The following SF3A3 variants were observed in gnomAD, a reference collection of about 807,000 sequenced individuals.
SF3A3 encodes the protein SAP 61.
A neutral mutation model predicts 85.8 loss-of-function variants in SF3A3; 9 were observed. The ratio of observed to expected loss-of-function variants is 0.10; its 90% confidence interval spans 0.06 to 0.18. The LOEUF is 0.18. Among genes scored for constraint, SF3A3 ranks in the 10% least tolerant of loss-of-function variants. SF3A3 has a pLI of 1.00. For synonymous variants in SF3A3, 195 were observed against 204.4 expected, an observed-to-expected ratio of 0.95 and a Z score of 0.39; for missense variants, 306 against 593.3, an observed-to-expected ratio of 0.52 and a Z score of 5.03.
intron 4 of SF3A3, among the ~76,000 whole-genome samples, chr1:37,986,410 C>G (rs1405776952): frequency 6.6e-6 from 1 of 152,294 alleles, no homozygotes; most frequent in African/African-American, 2.4e-5. Context: ...CTGAAACTCT[C>G]TTTTGCTTAA....
At chr1:37,967,838 G>A (rs534345294) in intron 15 of SF3A3, among the ~76,000 whole-genome samples, 14 of 152,014 alleles carry the variant, frequency 9.2e-5, no homozygotes, top group South Asian at 4.2e-4. Context: ...CCAGCCTGGC[G>A]ACAGAGCGAG....
intron 15 of SF3A3, among the ~76,000 whole-genome samples, chr1:37,961,343 G>C (rs1345031539): frequency 6.6e-6 from 1 of 152,060 alleles, no homozygotes; most frequent in Admixed American, 6.6e-5. Flanking sequence ...CCAGCACTTT[G>C]GGAAGCTGAG....
chr1:37,961,242 C>T (rs1000366997), intron 15 of SF3A3, among the ~76,000 whole-genome samples: 2 of 152,160 alleles, frequency 1.3e-5, no homozygotes, highest in Non-Finnish European at 2.9e-5. Context: ...GCACCTGGCA[C>T]ATAGGTGCTC....
chr1:37,987,525 G>A lies in SF3A3; in HGVS notation c.303+48C>T, dbSNP rs375979684. ...CAGTTTCCTTTATACCTTTCCTTTAGTATGCTTTAAGGATAGGTCTGGAGA... is the reference window on the plus strand; with the variant it reads ...CAGTTTCCTTTATACCTTTCCTTTAATATGCTTTAAGGATAGGTCTGGAGA... On this transcript the variant is annotated intron_variant, in intron 4 of 16. Coordinates refer to ENST00000373019, the MANE Select transcript of SF3A3 (RefSeq NM_006802.4). 2.3e-6 allele frequency: 3 copies of A among 1,323,290 alleles called. No individual in the cohort carries two copies. In the Admixed American group the frequency reaches 5.2e-5, roughly 23 times the overall value. The allele number at this position is 1,323,290 out of a possible 1,614,324, so 82.0% of individuals were successfully genotyped here. A position where few individuals can be genotyped will look rare whatever the true frequency, so the allele number is the denominator to read the frequency against.
intron 15 of SF3A3, 65 bp downstream of exon 15, chr1:37,967,979 A>G: frequency 1.1e-6 from 1 of 918,486 alleles, no homozygotes; most frequent in South Asian, 1.3e-5. Flanking sequence ...GGGTATTAGG[A>G]TGCTGAATTG....
chr1:37,976,931 T>C lies in SF3A3; in HGVS notation c.958A>G (p.Ile320Val). The part of the protein sequence containing the change: ...TKRDTERNKD[I>V]AFLEAQIYEY... Reference sequence around the variant, plus strand: ...TAGATCTGGGCTTCTAGAAAAGCAATGTCTTTGTTCCTTTCAGTGTCTCTG... The same window carrying C: ...TAGATCTGGGCTTCTAGAAAAGCAACGTCTTTGTTCCTTTCAGTGTCTCTG... The change falls in exon 12 of 17, where the codon ATT (isoleucine) becomes GTT (valine). Residue 320 changes from isoleucine (I) to valine (V), a missense_variant. Around this residue, in one of 4 missense-constraint regions of SF3A3, gnomAD observed 136 missense variants for 296.6 expected, o/e 0.46. Transcript: ENST00000373019. 2 of 1,609,926 alleles carry C rather than the reference T, an allele frequency of 1.2e-6. No individual in the cohort carries two copies. Among genetic ancestry groups the C allele is most frequent in the Non-Finnish European group, 1.7e-6 (2 of 1,176,234 alleles).
chr1:37,969,715 A>G lies in SF3A3; in HGVS notation c.1026T>C (p.His342=). Residue 342 remains histidine, a synonymous_variant, in exon 13 of 17, where the codon CAT becomes CAC. Transcript: ENST00000373019. ...EILGEQRHLT[H]ENVQRKQART... is the part of the protein sequence containing the mutation. ...TGGCTTGCTTGCGCTGTACATTTTC[A>G]TGAGTGAGATGTCGCTGTTCCTAAA... The G allele has an allele frequency of 6.2e-7, 1 of 1,614,082 alleles. No individual in the cohort carries two copies. Among genetic ancestry groups the G allele is most frequent in the Non-Finnish European group, 8.5e-7 (1 of 1,180,006 alleles).
chr1:37,961,097 C>T (rs1291200876), intron 15 of SF3A3, among the ~76,000 whole-genome samples: 3 of 152,104 alleles, frequency 2.0e-5, no homozygotes, highest in East Asian at 1.9e-4. Context: ...TTGATTCCTG[C>T]GTTTCCACCT....
intron 7 of SF3A3, 117 bp from the exon 8 acceptor site, chr1:37,980,841 C>CTTTTTTTTTTTTTTTTTTTTTTTTTT (rs760972269): frequency 1.1e-5 from 1 of 92,320 alleles, no homozygotes; most frequent in Non-Finnish European, 1.7e-5. Context: ...TTTTAATACT[C>CTTTTTTTTTTTTTTTTTTTTTTTTTT]TTTTTTTTTT....
intron 16 of SF3A3, among the ~76,000 whole-genome samples, chr1:37,958,585 G>A (rs1299267477): frequency 1.3e-5 from 2 of 152,208 alleles, no homozygotes; most frequent in Non-Finnish European, 2.9e-5. Context: ...GTTGAGAAAG[G>A]CTGACCTACA....
intron 15 of SF3A3, among the ~76,000 whole-genome samples, chr1:37,961,211 T>C (rs1013328993): frequency 6.6e-6 from 1 of 152,120 alleles, no homozygotes; most frequent in Non-Finnish European, 1.5e-5. Flanking sequence ...TAAAACAATA[T>C]ATGATAAAAT....
rs903506835 is a variant in SF3A3, at chr1:37,960,231, C to T, written c.1373-56G>A. 6.0e-6 allele frequency: 9 copies of T among 1,498,852 alleles called. No individual in the cohort carries two copies. The Admixed American group carries it at 6.7e-5, about 11-fold the overall frequency. 92.8% of individuals were successfully genotyped at this position (1,498,852 alleles called of 1,614,324 possible). ...ATGGACTGAACATCTGTTGGGTATC[C>T]AGTGTTATAATCCTCTCTCCCTGCC... On this transcript the variant is annotated intron_variant, in intron 15 of 16. Coordinates refer to ENST00000373019, the MANE Select transcript of SF3A3 (RefSeq NM_006802.4).
intron 4 of SF3A3, among the ~76,000 whole-genome samples, chr1:37,985,691 T>C (rs1362885390): frequency 6.6e-6 from 1 of 152,210 alleles, no homozygotes; most frequent in Non-Finnish European, 1.5e-5. Flanking sequence ...CTTTTGACCA[T>C]GGCTGGAATA....
At chr1:37,980,806 A>G in intron 7 of SF3A3, 82 bp from the exon 8 acceptor site, 1 of 971,236 alleles carries the variant, frequency 1.0e-6, no homozygotes. Flanking sequence ...AATATAAAGT[A>G]CTTATAATTC....
At chr1:37,984,108 C>T in intron 6 of SF3A3, 61 bp downstream of exon 6, 7 of 849,204 alleles carry the variant, frequency 8.2e-6, no homozygotes, top group South Asian at 1.5e-5. Context: ...CTGCTAGTTC[C>T]AGCCTACTGT....
chr1:37,976,766 A>T, intron 12 of SF3A3, 118 bp downstream of exon 12: 1 of 716,522 alleles, frequency 1.4e-6, no homozygotes, highest in Non-Finnish European at 2.5e-6. Flanking sequence ...GTGCCATACT[A>T]GTTTATCAGC....
chr1:37,987,556 C>G lies in SF3A3; in HGVS notation c.303+17G>C, dbSNP rs930028465. 1 of 1,564,684 alleles carries G rather than the reference C, an allele frequency of 6.4e-7. No homozygotes were observed. Among genetic ancestry groups the G allele is most frequent in the Non-Finnish European group, 8.8e-7 (1 of 1,135,028 alleles). On this transcript the variant is annotated intron_variant, in intron 4 of 16. Coordinates refer to ENST00000373019, the MANE Select transcript of SF3A3 (RefSeq NM_006802.4). ...TTTAAGGATAGGTCTGGAGAAAATA[C>G]TTTTCTGAGGACATACCTCATTTGG...
chr1:37,967,987 T>C (rs1646314723), intron 15 of SF3A3, 57 bp downstream of exon 15: 2 of 1,030,996 alleles, frequency 1.9e-6, no homozygotes, highest in African/African-American at 1.6e-5. Flanking sequence ...GGATGCTGAA[T>C]TGAAGGAGTA....
chr1:37,960,209 G>C (rs1417889911), intron 15 of SF3A3, 34 bp from the exon 16 acceptor site: 1 of 1,598,770 alleles, frequency 6.3e-7, no homozygotes, highest in Non-Finnish European at 8.6e-7. Context: ...AATCAGGATG[G>C]ACTGAACATC....
Sources: gnomAD v4.1 joint callset for allele counts (sites outside exome capture counted in the v4.1 genomes callset) on GRCh38, gnomAD v4.1.1 for gene constraint, gnomAD v4.1.1 regional missense constraint, MANE v1.5 for transcripts, NCBI Gene and HGNC (gene_info 2026-07-23, HGNC 2026-07-21) for gene names.